Variants in NPSR1 observed in about 807,000 individuals in gnomAD.
The protein encoded by NPSR1 is neuropeptide S receptor 1.
Under a neutral mutation model 46.9 loss-of-function variants are expected in NPSR1, and 48 were observed. The observed-to-expected ratio is 1.02, with a 90% CI of 0.81 to 1.30. The LOEUF (loss-of-function observed/expected upper bound fraction) is 1.30. NPSR1 is among the 50% of genes most tolerant of loss of function. NPSR1 has a pLI of 0.00. For missense variants in NPSR1, 450 were observed against 449.5 expected (o/e 1.00, Z -0.01); for synonymous variants, 176 against 168.1 (o/e 1.05, Z -0.36).
chr7:34,720,125 CA>C (rs1783777360), intron 2 of NPSR1, among the ~76,000 whole-genome samples: 1 of 151,946 alleles, frequency 6.6e-6, no homozygotes, highest in Non-Finnish European at 1.5e-5. Flanking sequence ...ACTAAAAATA[CA>C]AAAATTAGCC....
chr7:34,776,898 C>CT (rs747774042), intron 2 of NPSR1, among the ~76,000 whole-genome samples: 29 of 152,188 alleles, frequency 1.9e-4, no homozygotes, highest in Non-Finnish European at 3.2e-4. Flanking sequence ...TCAGAGCTGA[C>CT]TAGTGCCCTC....
chr7:34,713,048 G>T (rs933101333), intron 2 of NPSR1, among the ~76,000 whole-genome samples: 3 of 152,208 alleles, frequency 2.0e-5, no homozygotes, highest in Non-Finnish European at 4.4e-5. Context: ...TTGTCTGTTA[G>T]AGGTGGATTA....
intron 2 of NPSR1, among the ~76,000 whole-genome samples, chr7:34,690,048 C>T (rs1003842307): frequency 1.3e-5 from 2 of 152,070 alleles, no homozygotes; most frequent in Non-Finnish European, 2.9e-5. Context: ...TGCCACCCAG[C>T]CTTATAGGAG....
intron 8 of NPSR1, among the ~76,000 whole-genome samples, chr7:34,874,936 T>C (rs898799324): frequency 5.5e-4 from 83 of 152,240 alleles, no homozygotes; most frequent in African/African-American, 1.9e-3. Flanking sequence ...TTTTCAGCAA[T>C]AGATGTATTT....
At position 34,772,669 on chromosome 7, in the gene NPSR1, C is replaced by T. The variant is rs72552331; in HGVS notation, c.281-5793C>T. Among the ~76,000 whole-genome samples, 1,269 of 152,280 alleles carry T rather than the reference C, an allele frequency of 8.3e-3. 14 individuals carry two copies. Among genetic ancestry groups the T allele is most frequent in the Middle Eastern group, 0.034 (10 of 294 alleles). The stretch of plus-strand genomic sequence containing the variant: ...TCAGCCCCCATTCACCCTTCCACAA[C>T]AGCAGGGGCAGGGCACCCTAGAGCA... On this transcript the variant is annotated intron_variant, in intron 2 of 8. Transcript: ENST00000360581.
At chr7:34,667,557 T>C (rs1482563051) in intron 1 of NPSR1, among the ~76,000 whole-genome samples, 1 of 151,928 alleles carries the variant, frequency 6.6e-6, no homozygotes, top group East Asian at 1.9e-4. Context: ...TTCCAGACAC[T>C]CCATCCTCAA....
intron 1 of NPSR1, among the ~76,000 whole-genome samples, chr7:34,674,780 T>C (rs1583782009): frequency 6.6e-6 from 1 of 152,188 alleles, no homozygotes; most frequent in African/African-American, 2.4e-5. Context: ...ACTACTGTTG[T>C]GTGGAGGCCA....
intron 2 of NPSR1, among the ~76,000 whole-genome samples, chr7:34,715,195 A>G (rs1783501087): frequency 6.6e-6 from 1 of 152,228 alleles, no homozygotes; most frequent in Admixed American, 6.5e-5. Flanking sequence ...TGAAAGGCGG[A>G]GCAAGAAAAG....
intron 8 of NPSR1, 136 bp from the exon 9 acceptor site, chr7:34,849,429 G>T: frequency 6.3e-7 from 1 of 1,580,784 alleles, no homozygotes; most frequent in Non-Finnish European, 8.6e-7. Context: ...GAAGGTCAGG[G>T]TATTACATGT....
chr7:34,854,297 G>GT (rs561493294), downstream of NPSR1, among the ~76,000 whole-genome samples: 148 of 152,248 alleles, frequency 9.7e-4, no homozygotes, highest in African/African-American at 3.5e-3. Context: ...GAAGATGGTG[G>GT]TTTTTTTATC....
intron 1 of NPSR1, 63 bp downstream of exon 1, chr7:34,658,622 A>C (rs2530549): frequency 0.36 from 531,820 of 1,486,484 alleles, 98,397 homozygotes; most frequent in African/African-American, 0.47. Context: ...GGAACTTAAG[A>C]GTGTCAATTG....
At chr7:34,718,082 G>T (rs1783664619) in intron 2 of NPSR1, among the ~76,000 whole-genome samples, 1 of 152,080 alleles carries the variant, frequency 6.6e-6, no homozygotes, top group Admixed American at 6.5e-5. Flanking sequence ...GAACCCAAAA[G>T]AATTTTTGAG....
At chr7:34,750,819 G>A (rs961464403) in intron 2 of NPSR1, 10 of 690,332 alleles carry the variant, frequency 1.4e-5, no homozygotes, top group African/African-American at 3.5e-5. Context: ...GTGTGGAACC[G>A]CTGACACAGC....
intron 8 of NPSR1, among the ~76,000 whole-genome samples, chr7:34,877,406 A>C (rs1791601310): frequency 6.6e-6 from 1 of 152,218 alleles, no homozygotes; most frequent in Admixed American, 6.5e-5. Flanking sequence ...AGACAAGACA[A>C]GGGCTTCTAG....
intron 2 of NPSR1, among the ~76,000 whole-genome samples, chr7:34,747,849 T>A (rs185235758): frequency 2.0e-5 from 3 of 152,348 alleles, no homozygotes; most frequent in African/African-American, 7.2e-5. Flanking sequence ...AAATATATAA[T>A]GAATGCTCAG....
chr7:34,791,233 T>C (rs1787858848), intron 3 of NPSR1, among the ~76,000 whole-genome samples: 2 of 117,510 alleles, frequency 1.7e-5, no homozygotes, highest in Admixed American at 1.9e-4. Context: ...TTATATATTA[T>C]ATTATATATG....
chr7:34,789,652 G>C (rs1787628628), intron 3 of NPSR1, among the ~76,000 whole-genome samples: 1 of 149,792 alleles, frequency 6.7e-6, no homozygotes, highest in Non-Finnish European at 1.5e-5. Context: ...AATTAGCCAG[G>C]TGTGGTGGCG....
intron 1 of NPSR1, among the ~76,000 whole-genome samples, chr7:34,669,547 C>T (rs1008290785): frequency 2.0e-4 from 29 of 148,080 alleles, no homozygotes; most frequent in African/African-American, 5.5e-4. Context: ...CCAGCCTGGG[C>T]GACAGAGCGA....
intron 6 of NPSR1, among the ~76,000 whole-genome samples, chr7:34,837,183 A>C (rs564371262): frequency 2.0e-4 from 31 of 152,320 alleles, no homozygotes; most frequent in Admixed American, 1.4e-3. Flanking sequence ...AATTCTCTAC[A>C]GTTACCTAAA....
Sources: gnomAD v4.1 joint callset for allele counts (sites outside exome capture counted in the v4.1 genomes callset) on GRCh38, gnomAD v4.1.1 for gene constraint, MANE v1.5 for transcripts, NCBI Gene and HGNC (gene_info 2026-07-23, HGNC 2026-07-21) for gene names.